Variants in TMEM117 observed in about 807,000 individuals in gnomAD.
TMEM117 encodes the protein transmembrane protein 117.
TMEM117 carries 27 observed loss-of-function variants against 52.4 expected under a neutral mutation model. That is an observed-to-expected ratio of 0.51 (90% CI 0.38 to 0.71). The LOEUF (loss-of-function observed/expected upper bound fraction) is 0.71. Ranked by LOEUF, TMEM117 falls within the 30% of genes least tolerant of loss-of-function variation. The probability of loss-of-function intolerance (pLI) is 0.00; values close to 1 mark genes in which losing one functional copy is unlikely to be tolerated. For missense variants in TMEM117, 556 were observed against 630.5 expected, an observed-to-expected ratio of 0.88 and a Z score of 1.26; for synonymous variants, 215 against 206.3, an observed-to-expected ratio of 1.04 and a Z score of -0.36.
rs1209075111 is a variant in TMEM117 at position 43,912,507 on chromosome 12, T to TTTTATATATATA, written c.278-31702_278-31701insTTATATATATAT. Among the ~76,000 whole-genome samples, 19 of 132,104 alleles carry TTTTATATATATA rather than the reference T, an allele frequency of 1.4e-4. 1 individual carries two copies. Among genetic ancestry groups the TTTTATATATATA allele is most frequent in the African/African-American group, 6.8e-4 (17 of 25,028 alleles). 86.7% of individuals were successfully genotyped at this position (132,104 alleles called of 152,430 possible). A position where few individuals can be genotyped will look rare whatever the true frequency, so the allele number is the denominator to read the frequency against. ...AAACTTAAAGTATAATAATAATAAT[T>TTTTATATATATA]TATATATATATATATATATATATAT... On this transcript the variant is annotated intron_variant, in intron 2 of 7. Coordinates refer to ENST00000266534, the MANE Select transcript of TMEM117 (RefSeq NM_032256.3).
At chr12:43,992,813 A>G (rs909843922) in intron 3 of TMEM117, among the ~76,000 whole-genome samples, 2 of 152,254 alleles carry the variant, frequency 1.3e-5, no homozygotes, top group African/African-American at 2.4e-5. Context: ...TTTGGTTTAT[A>G]TGCCAACTCC....
In TMEM117 at chr12:43,923,633, C is replaced by A. The variant is rs150528285; in HGVS notation, c.278-20577C>A. On this transcript the variant is annotated intron_variant, in intron 2 of 7. Coordinates refer to ENST00000266534, the MANE Select transcript of TMEM117 (RefSeq NM_032256.3). ...ATGATATTATATTTGGAAAGACTTTCCTACTAATCTCTCTGAAGTTGGAGG... is the reference window on the plus strand; with the variant it reads ...ATGATATTATATTTGGAAAGACTTTACTACTAATCTCTCTGAAGTTGGAGG... 2.2e-3 allele frequency among the ~76,000 whole-genome samples: 336 copies of A among 152,236 alleles called. 2 individuals carry two copies. In the East Asian group the frequency reaches 0.034, roughly 15 times the overall value.
At chr12:44,132,062 T>C (rs1312871901) in intron 3 of TMEM117, among the ~76,000 whole-genome samples, 2 of 152,122 alleles carry the variant, frequency 1.3e-5, no homozygotes, top group Non-Finnish European at 2.9e-5. Context: ...GGGAAGTCTC[T>C]GTGCATGGAT....
chr12:44,340,433 T>G (rs368949098), intron 6 of TMEM117, among the ~76,000 whole-genome samples: 2 of 152,256 alleles, frequency 1.3e-5, no homozygotes, highest in African/African-American at 4.8e-5. Context: ...ACACTGTGAT[T>G]TGGCTATGCT....
intron 2 of TMEM117, among the ~76,000 whole-genome samples, chr12:43,865,691 C>CT (rs1565725535): frequency 5.3e-4 from 78 of 146,418 alleles, no homozygotes; most frequent in African/African-American, 1.9e-3. Flanking sequence ...AACGAGACTC[C>CT]GTCCCAAAAA....
intron 4 of TMEM117, among the ~76,000 whole-genome samples, chr12:44,198,302 A>G (rs1056323655): frequency 1.3e-4 from 20 of 152,224 alleles, no homozygotes; most frequent in African/African-American, 4.8e-4. Context: ...TGTCAAAGAC[A>G]TGAAATTTAG....
intron 3 of TMEM117, among the ~76,000 whole-genome samples, chr12:44,028,739 T>C (rs1362953416): frequency 6.6e-6 from 1 of 152,188 alleles, no homozygotes; most frequent in Non-Finnish European, 1.5e-5. Context: ...TGGGACTGCT[T>C]TGCCTACGGA....
At position 44,017,741 on chromosome 12, in the gene TMEM117, A is replaced by G. The variant is rs557156005; in HGVS notation, c.410+73399A>G. 9.2e-5 allele frequency among the ~76,000 whole-genome samples: 14 copies of G among 152,312 alleles called. No individual in the cohort carries two copies. The South Asian group carries it at 2.5e-3, about 27-fold the overall frequency. ...AAAATATTATAACATTTTAGGCTTT[A>G]TAGTCTTTCATGACATCAAAGGTAA... On this transcript the variant is annotated intron_variant, in intron 3 of 7. Transcript: ENST00000266534.
At chr12:43,977,935 T>C (rs1945699316) in intron 3 of TMEM117, among the ~76,000 whole-genome samples, 3 of 152,318 alleles carry the variant, frequency 2.0e-5, no homozygotes, top group East Asian at 1.9e-4. Flanking sequence ...CATGTACATA[T>C]GTAGTTTTAG....
chr12:44,377,205 C>G (rs1459746220), intron 7 of TMEM117, among the ~76,000 whole-genome samples: 2 of 152,158 alleles, frequency 1.3e-5, no homozygotes, highest in African/African-American at 2.4e-5. Flanking sequence ...AGAGTCATTT[C>G]TGCCATACTC....
At chr12:44,079,135 T>G (rs1484614147) in intron 3 of TMEM117, among the ~76,000 whole-genome samples, 6 of 152,100 alleles carry the variant, frequency 3.9e-5, no homozygotes, top group Admixed American at 3.3e-4. Flanking sequence ...TGGGTTGGTT[T>G]CAAGTCTTTG....
At chr12:44,126,961 A>C (rs1948335761) in intron 3 of TMEM117, among the ~76,000 whole-genome samples, 1 of 152,238 alleles carries the variant, frequency 6.6e-6, no homozygotes, top group African/African-American at 2.4e-5. Flanking sequence ...GGATTAAGGC[A>C]CAGGTATGAA....
intron 5 of TMEM117, among the ~76,000 whole-genome samples, chr12:44,236,281 T>C (rs1038278172): frequency 2.0e-5 from 3 of 152,170 alleles, no homozygotes; most frequent in Middle Eastern, 6.8e-3. Flanking sequence ...TCTTTGTGTA[T>C]GCCCTATTCT....
At chr12:44,218,235 AAC>A (rs1258372241) in intron 5 of TMEM117, among the ~76,000 whole-genome samples, 4 of 152,030 alleles carry the variant, frequency 2.6e-5, no homozygotes, top group Admixed American at 1.3e-4. Flanking sequence ...AAAAACAAAA[AAC>A]AAAAAACTAG....
intron 3 of TMEM117, chr12:44,008,689 C>T: frequency 3.1e-6 from 1 of 318,688 alleles, no homozygotes; most frequent in Non-Finnish European, 6.2e-6. Context: ...GGTTCAACCA[C>T]CTACTAAAGT....
At chr12:43,829,651 C>T in the TMEM117 span, among the ~76,000 whole-genome samples, 1 of 152,162 alleles carries the variant, frequency 6.6e-6, no homozygotes, top group Non-Finnish European at 1.5e-5. Flanking sequence ...AACGTCAGCT[C>T]AAAACTCCCC....
At chr12:44,159,865 G>A (rs552639418) in intron 4 of TMEM117, among the ~76,000 whole-genome samples, 1 of 152,246 alleles carries the variant, frequency 6.6e-6, no homozygotes, top group East Asian at 1.9e-4. Flanking sequence ...AAGAATCTAA[G>A]CTACCAGATG....
the TMEM117 span, among the ~76,000 whole-genome samples, chr12:43,820,058 T>G: frequency 4.9e-4 from 75 of 152,332 alleles, no homozygotes; most frequent in African/African-American, 1.8e-3. Context: ...CTTTCAGATA[T>G]TCTACCTCTC....
chr12:44,396,690 C>G, the TMEM117 span, among the ~76,000 whole-genome samples: 32 of 151,986 alleles, frequency 2.1e-4, 1 homozygote, highest in East Asian at 6.2e-3. Flanking sequence ...TCTGTCTCTA[C>G]TGAAAATATA....
Sources: allele counts gnomAD v4.1 joint callset (sites outside exome capture counted in the v4.1 genomes callset), GRCh38; gene constraint gnomAD v4.1.1; transcripts MANE v1.5; gene names NCBI Gene and HGNC (gene_info 2026-07-23, HGNC 2026-07-21).